Variants in MROH9 observed in about 807,000 individuals in gnomAD.
The protein encoded by MROH9 is maestro heat-like repeat-containing protein family member 9.
In MROH9, 92 loss-of-function variants were observed where a neutral mutation model predicts 98.2. That is an observed-to-expected ratio of 0.94 (90% CI 0.79 to 1.11). The LOEUF (loss-of-function observed/expected upper bound fraction) is 1.11. Among genes scored for constraint, MROH9 ranks in the 50% most tolerant of loss-of-function variants. The probability of loss-of-function intolerance (pLI) is 0.00; values close to 1 mark genes in which losing one functional copy is unlikely to be tolerated. For missense variants in MROH9, 1,057 were observed against 1,014.8 expected, an observed-to-expected ratio of 1.04 and a Z score of -0.57; for synonymous variants, 397 against 368.9, an observed-to-expected ratio of 1.08 and a Z score of -0.87.
chr1:170,997,865 A>G (rs1408002164), intron 14 of MROH9, among the ~76,000 whole-genome samples: 1 of 152,160 alleles, frequency 6.6e-6, no homozygotes, highest in Non-Finnish European at 1.5e-5. Flanking sequence ...CCCTTTAGTC[A>G]AGAATTGATG....
intron 20 of MROH9, among the ~76,000 whole-genome samples, chr1:171,034,143 C>A (rs1197823134): frequency 2.0e-5 from 3 of 151,864 alleles, no homozygotes; most frequent in Non-Finnish European, 4.4e-5. Context: ...TTATAGTATT[C>A]AACTATAAAA....
chr1:170,938,466 C>T (rs1015796461), intron 1 of MROH9, among the ~76,000 whole-genome samples: 3 of 152,204 alleles, frequency 2.0e-5, no homozygotes, highest in Non-Finnish European at 2.9e-5. Flanking sequence ...CAGGTATTGA[C>T]ATCTAGCTGA....
At chr1:171,048,035 C>T (rs1653520957) in intron 20 of MROH9, among the ~76,000 whole-genome samples, 1 of 152,140 alleles carries the variant, frequency 6.6e-6, no homozygotes, top group Non-Finnish European at 1.5e-5. Context: ...TTGTGAACCA[C>T]CTAAAGCAGG....
chr1:170,943,861 T>C (rs1405568625), intron 1 of MROH9, among the ~76,000 whole-genome samples: 1 of 152,018 alleles, frequency 6.6e-6, no homozygotes, highest in African/African-American at 2.4e-5. Context: ...AAAATGAACT[T>C]TAGCTCAACA....
intron 15 of MROH9, among the ~76,000 whole-genome samples, chr1:171,012,128 G>A (rs370240226): frequency 2.0e-5 from 3 of 151,990 alleles, no homozygotes; most frequent in African/African-American, 2.4e-5. Flanking sequence ...CCTATTGAGT[G>A]TTTGAGTTCC....
intron 8 of MROH9, among the ~76,000 whole-genome samples, chr1:170,977,482 G>T (rs1023957094): frequency 2.0e-5 from 3 of 152,104 alleles, no homozygotes; most frequent in African/African-American, 7.2e-5. Flanking sequence ...TTCATGGTAG[G>T]GTATGTTAGT....
At chr1:171,011,116 G>A (rs1315253065) in intron 15 of MROH9, among the ~76,000 whole-genome samples, 1 of 152,084 alleles carries the variant, frequency 6.6e-6, no homozygotes, top group Non-Finnish European at 1.5e-5. Flanking sequence ...TTCTCAAAAT[G>A]AGAGAATGAG....
chr1:170,937,130 T>C (rs948172311), intron 1 of MROH9, among the ~76,000 whole-genome samples: 2 of 152,218 alleles, frequency 1.3e-5, no homozygotes, highest in East Asian at 3.9e-4. Flanking sequence ...TTTCTCTTTC[T>C]CTGGGGAATT....
At chr1:170,975,501 A>T (rs1650647310) in intron 8 of MROH9, among the ~76,000 whole-genome samples, 1 of 152,130 alleles carries the variant, frequency 6.6e-6, no homozygotes, top group African/African-American at 2.4e-5. Flanking sequence ...AGCATCACCT[A>T]AATAGTGTAC....
chr1:170,942,718 G>A (rs1649172810), intron 1 of MROH9, among the ~76,000 whole-genome samples: 1 of 152,144 alleles, frequency 6.6e-6, no homozygotes, highest in African/African-American at 2.4e-5. Context: ...TTTCCTGGGT[G>A]ATAAGGATGT....
intron 1 of MROH9, among the ~76,000 whole-genome samples, chr1:170,937,726 T>G (rs1648954688): frequency 1.3e-5 from 2 of 151,928 alleles, no homozygotes; most frequent in South Asian, 4.2e-4. Flanking sequence ...GGTTTCACCG[T>G]TTTAGCCGGG....
intron 9 of MROH9, 114 bp from the exon 10 acceptor site, chr1:170,986,447 C>T (rs888321448): frequency 3.1e-5 from 32 of 1,024,524 alleles, no homozygotes; most frequent in South Asian, 7.4e-5. Context: ...ATATGGCCCA[C>T]GGAAGACTTG....
At chr1:170,983,608 C>T (rs1483664708) in intron 9 of MROH9, 74 bp downstream of exon 9, 1 of 875,790 alleles carries the variant, frequency 1.1e-6, no homozygotes, top group African/African-American at 1.7e-5. Context: ...TTTATTTCAA[C>T]AAAGTTTATG....
chr1:171,039,235 T>C (rs757408309), intron 20 of MROH9, among the ~76,000 whole-genome samples: 6 of 152,248 alleles, frequency 3.9e-5, no homozygotes, highest in Non-Finnish European at 8.8e-5. Flanking sequence ...TTTTGCATAA[T>C]GTTTCCACCT....
chr1:170,983,273 T>C (rs1651002391), intron 8 of MROH9, 149 bp from the exon 9 acceptor site: 1 of 582,004 alleles, frequency 1.7e-6, no homozygotes, highest in Non-Finnish European at 3.0e-6. Context: ...CATAAAATTT[T>C]ATGAGACTAA....
At chr1:170,991,939 T>C (rs1416084286) in intron 11 of MROH9, among the ~76,000 whole-genome samples, 7 of 152,182 alleles carry the variant, frequency 4.6e-5, no homozygotes. Context: ...GACCAGACTC[T>C]GGTATTTTCC....
At chr1:170,957,543 T>A (rs569006857) in intron 3 of MROH9, among the ~76,000 whole-genome samples, 1 of 152,314 alleles carries the variant, frequency 6.6e-6, no homozygotes, top group Admixed American at 6.5e-5. Context: ...TCTGTTTTTA[T>A]AGCAGTCCCT....
At chr1:170,956,971 A>T (rs2101886563) in intron 3 of MROH9, among the ~76,000 whole-genome samples, 1 of 150,206 alleles carries the variant, frequency 6.7e-6, no homozygotes, top group South Asian at 2.1e-4. Context: ...TTTTTTGGAA[A>T]AAGTTTTATT....
At chr1:170,976,732 A>T (rs556322935) in intron 8 of MROH9, among the ~76,000 whole-genome samples, 28 of 152,198 alleles carry the variant, frequency 1.8e-4, no homozygotes, top group African/African-American at 6.7e-4. Context: ...GGGGATGTAG[A>T]ATTGTGCAGA....
Sources: allele counts gnomAD v4.1 joint callset (sites outside exome capture counted in the v4.1 genomes callset), GRCh38; gene constraint gnomAD v4.1.1; transcripts MANE v1.5; gene names NCBI Gene and HGNC (gene_info 2026-07-23, HGNC 2026-07-21).